The following SLIT1 variants were observed in gnomAD, a reference collection of about 807,000 sequenced individuals.
SLIT1 encodes slit homolog 1 protein.
SLIT1 carries 66 observed loss-of-function variants against 186.1 expected under a neutral mutation model. The ratio of observed to expected loss-of-function variants is 0.35; its 90% CI spans 0.29 to 0.44. SLIT1 has a LOEUF of 0.44. Among genes scored for constraint, SLIT1 ranks in the 20% least tolerant of loss-of-function variants. The probability of loss-of-function intolerance (pLI) is 1.00; values close to 1 mark genes in which losing one functional copy is unlikely to be tolerated. For synonymous variants in SLIT1, 761 were observed against 833.8 expected (o/e 0.91, Z 1.50); for missense variants, 1,638 against 2,037.4 (o/e 0.80, Z 3.77).
At chr10:97,132,513 A>G (rs1220948608) in intron 4 of SLIT1, among the ~76,000 whole-genome samples, 1 of 152,182 alleles carries the variant, frequency 6.6e-6, no homozygotes, top group Non-Finnish European at 1.5e-5. Flanking sequence ...CAAGTTGTCC[A>G]GCTGATTGCC....
chr10:97,032,587 G>A (rs1176689312), intron 23 of SLIT1, among the ~76,000 whole-genome samples: 3 of 148,924 alleles, frequency 2.0e-5, no homozygotes, highest in African/African-American at 7.3e-5. Context: ...AAAAAAAAAA[G>A]TTATTAAGAA....
chr10:97,137,914 T>A (rs953921191), intron 4 of SLIT1, among the ~76,000 whole-genome samples: 3 of 152,206 alleles, frequency 2.0e-5, no homozygotes, highest in African/African-American at 7.2e-5. Context: ...TGTTTCCACA[T>A]AAGAAAACTG....
At chr10:97,063,726 C>T (rs1321600299) in intron 7 of SLIT1, 108 bp from the exon 8 acceptor site, 1 of 1,193,196 alleles carries the variant, frequency 8.4e-7, no homozygotes, top group Non-Finnish European at 1.2e-6. Flanking sequence ...GTGTTCAAGC[C>T]AAACACAGTC....
chr10:97,067,474 A>T (rs928590329), intron 4 of SLIT1, among the ~76,000 whole-genome samples: 2 of 152,158 alleles, frequency 1.3e-5, no homozygotes, highest in African/African-American at 4.8e-5. Flanking sequence ...CGTGGATACT[A>T]TCACCATCCC....
At chr10:97,108,153 C>A (rs111440991) in intron 4 of SLIT1, among the ~76,000 whole-genome samples, 70 of 152,246 alleles carry the variant, frequency 4.6e-4, no homozygotes, top group African/African-American at 1.6e-3. Flanking sequence ...GCTGGTTGTG[C>A]CCTCCCCTGG....
chr10:97,025,613 T>C (rs1458012472), intron 25 of SLIT1, among the ~76,000 whole-genome samples: 1 of 151,970 alleles, frequency 6.6e-6, no homozygotes, highest in Non-Finnish European at 1.5e-5. Flanking sequence ...ATGTATTTGG[T>C]GGTCAGGGGT....
rs1848430490 is a variant in SLIT1 at position 97,013,741 on chromosome 10, C to A, written c.3203G>T (p.Arg1068Met). 6.4e-7 allele frequency: 1 copy of A among 1,550,640 alleles called. No homozygotes were observed. Among genetic ancestry groups the A allele is most frequent in the Non-Finnish European group, 8.7e-7 (1 of 1,146,096 alleles). Reference protein sequence around the residue: ...AQCVGTPDGPRCECMPGYAGD... With the variant: ...AQCVGTPDGPMCECMPGYAGD... ...GGCCCTGGAAAGGGGCAACACTCAC[C>A]TGGGCCCATCCGGGGTGCCCACACA... Residue 1068 changes from arginine (R) to methionine (M), a missense_variant and splice_region_variant, in exon 30 of 37, where the codon AGG becomes ATG. Around this residue, in one of 3 missense-constraint regions of SLIT1, gnomAD observed 1,245 missense variants for 1,535.3 expected, o/e 0.81. Coordinates refer to ENST00000266058, the MANE Select transcript of SLIT1 (RefSeq NM_003061.3).
chr10:97,001,994 G>C (rs1212986138), intron 36 of SLIT1, among the ~76,000 whole-genome samples, 164 bp downstream of exon 36: 4 of 152,310 alleles, frequency 2.6e-5, no homozygotes, highest in Non-Finnish European at 5.9e-5. Context: ...GAGAGATTGG[G>C]AGCAGTGCCC....
intron 25 of SLIT1, among the ~76,000 whole-genome samples, chr10:97,025,143 G>A (rs1037156656): frequency 3.9e-5 from 6 of 152,182 alleles, no homozygotes; most frequent in South Asian, 4.2e-4. Context: ...GGTGACAGGC[G>A]CCTGTAATCC....
intron 23 of SLIT1, among the ~76,000 whole-genome samples, chr10:97,033,258 T>C (rs1198485504): frequency 2.0e-5 from 3 of 152,226 alleles, no homozygotes; most frequent in South Asian, 2.1e-4. Flanking sequence ...ATTCAGCTCC[T>C]GGAGAATGGC....
chr10:97,102,209 G>T (rs1849363530), intron 4 of SLIT1: 1 of 152,128 alleles, frequency 6.6e-6, no homozygotes, highest in Non-Finnish European at 1.5e-5. Flanking sequence ...ATCACCTGAG[G>T]TCAGGAGTTC....
Position 97,009,718 on chromosome 10 carries a change from T to G in SLIT1, c.3341+1275A>C, listed in dbSNP as rs573342762. Among the ~76,000 whole-genome samples, 3 of 152,318 alleles carry G rather than the reference T, an allele frequency of 2.0e-5. No individual in the cohort carries two copies. The South Asian group carries it at 6.2e-4, about 32-fold the overall frequency. ...TAACCAACAAAATGGGAGAAAATAC[T>G]TGCCAACATATATCTGATAAGGGAC... On this transcript the variant is annotated intron_variant, in intron 31 of 36. Coordinates refer to ENST00000266058, the MANE Select transcript of SLIT1 (RefSeq NM_003061.3).
chr10:97,164,756 G>C (rs1374616938), intron 2 of SLIT1, 63 bp downstream of exon 2: 5 of 1,268,592 alleles, frequency 3.9e-6, no homozygotes, highest in African/African-American at 1.5e-5. Context: ...CACAGCCAGG[G>C]CCCTGCCCAG....
chr10:97,003,478 A>G (rs1848330948), intron 34 of SLIT1, among the ~76,000 whole-genome samples: 1 of 152,178 alleles, frequency 6.6e-6, no homozygotes, highest in Admixed American at 6.5e-5. Flanking sequence ...AAGCTGCACA[A>G]GGAGTAAGCT....
rs72821707 is a variant in SLIT1 at position 97,057,358 on chromosome 10, G to C, written c.1086-77C>G. 1,837 of 1,122,796 alleles carry C rather than the reference G, an allele frequency of 1.6e-3. 5 individuals carry two copies. The highest frequency in any genetic ancestry group is 2.7e-3 in the Admixed American group (149 of 56,040). The allele number at this position is 1,122,796 out of a possible 1,614,324, so 69.6% of individuals were successfully genotyped here. A position where few individuals can be genotyped will look rare whatever the true frequency, so the allele number is the denominator to read the frequency against. ...TAGCACAACTCTGCAGACGGCCCCA[G>C]CTCAACAGCGCTGCCCCTAAGCCAT... On this transcript the variant is annotated intron_variant, in intron 11 of 36. Coordinates refer to ENST00000266058, the MANE Select transcript of SLIT1 (RefSeq NM_003061.3).
chr10:97,183,520 A>G (rs757060662), intron 1 of SLIT1, among the ~76,000 whole-genome samples: 11 of 152,212 alleles, frequency 7.2e-5, no homozygotes, highest in Non-Finnish European at 1.3e-4. Flanking sequence ...AAGTTAAGTA[A>G]CTTGCCCAAG....
In SLIT1 at chr10:97,002,344, G is replaced by A. The variant is rs1848318500; in HGVS notation, c.4180C>T (p.Leu1394Phe). The change falls in exon 36 of 37, where the codon CTC becomes TTC. Residue 1394 changes from leucine (L) to phenylalanine (F), a missense_variant. By Grantham distance (22) the Leu-to-Phe change is conservative. This residue lies in a region of SLIT1 where 220 missense variants were observed against 211.3 expected (regional missense o/e 1.04). Transcript: ENST00000266058. Reference protein sequence around the residue: ...HKCVHGQCVPLDALSYSCQCQ... With the variant: ...HKCVHGQCVPFDALSYSCQCQ... ...TGGCAGCTGTAGGAAAGAGCGTCGAGGGGCACGCATTGCCCATGGACACAC... is the reference window on the plus strand; with the variant it reads ...TGGCAGCTGTAGGAAAGAGCGTCGAAGGGCACGCATTGCCCATGGACACAC... 2 of 1,609,196 alleles carry A rather than the reference G, an allele frequency of 1.2e-6. No individual in the cohort carries two copies. The highest frequency in any genetic ancestry group is 3.3e-5 in the Admixed American group (2 of 59,886).
intron 13 of SLIT1, among the ~76,000 whole-genome samples, chr10:97,053,134 C>G (rs1311556852): frequency 6.6e-6 from 1 of 152,226 alleles, no homozygotes; most frequent in African/African-American, 2.4e-5. Flanking sequence ...CACCTACCTT[C>G]ATAGCATCAC....
At position 97,064,788 on chromosome 10, in the gene SLIT1, T is replaced by C. The variant is rs764504916; in HGVS notation, c.557+17A>G. The C allele has an allele frequency of 6.3e-7, 1 of 1,595,588 alleles. No homozygotes were observed. Among genetic ancestry groups the C allele is most frequent in the Non-Finnish European group, 8.5e-7 (1 of 1,169,608 alleles). The stretch of plus-strand genomic sequence containing the variant: ...GGGCCCTCCACACCCCTCCTTCCTT[T>C]TCCATGCTTTACTTACAGCACCTCC... On this transcript the variant is annotated intron_variant, in intron 6 of 36. Coordinates refer to ENST00000266058, the MANE Select transcript of SLIT1 (RefSeq NM_003061.3).
Sources: gnomAD v4.1 joint callset for allele counts (sites outside exome capture counted in the v4.1 genomes callset) on GRCh38, gnomAD v4.1.1 for gene constraint, gnomAD v4.1.1 regional missense constraint, MANE v1.5 for transcripts, NCBI Gene and HGNC (gene_info 2026-07-23, HGNC 2026-07-21) for gene names.